The following VIPR2 variants were observed in gnomAD, a reference collection of about 807,000 sequenced individuals.
VIPR2 encodes the protein vasoactive intestinal peptide receptor 2.
VIPR2 carries 48 observed loss-of-function variants against 58.0 expected under a neutral mutation model. The observed-to-expected ratio is 0.83, with a 90% CI of 0.66 to 1.05. The LOEUF is 1.05. Among genes scored for constraint, VIPR2 ranks in the 50% least tolerant of loss-of-function variants. The pLI is 0.00. For synonymous variants in VIPR2, 243 were observed against 235.2 expected (o/e 1.03, Z -0.30); for missense variants, 534 against 558.0 (o/e 0.96, Z 0.43).
At chr7:159,130,759 G>A (rs142191198) in intron 2 of VIPR2, among the ~76,000 whole-genome samples, 31 of 152,316 alleles carry the variant, frequency 2.0e-4, no homozygotes, top group African/African-American at 7.0e-4. Context: ...TATTGATTTC[G>A]TTTGTGCCAT....
chr7:159,111,997 C>A (rs1304287997), intron 2 of VIPR2, among the ~76,000 whole-genome samples: 1 of 152,022 alleles, frequency 6.6e-6, no homozygotes, highest in African/African-American at 2.4e-5. Context: ...GGCGACAGAG[C>A]GAGACCTCGT....
At position 159,103,193 on chromosome 7, in the gene VIPR2, A is replaced by G. The variant is rs891737838; in HGVS notation, c.357+564T>C. Among the ~76,000 whole-genome samples the G allele has an allele frequency of 2.0e-4, 31 of 152,212 alleles. 1 individual carries two copies. The highest frequency in any genetic ancestry group is 7.5e-4 in the African/African-American group (31 of 41,456). On this transcript the variant is annotated intron_variant, in intron 4 of 12. Coordinates refer to ENST00000262178, the MANE Select transcript of VIPR2 (RefSeq NM_003382.5). ...ACATAACACCCAAGAGCTCCAGATC[A>G]CTGCAGCAAGTTTGTGCAGCCCGGA...
At chr7:159,055,705 C>T (rs926227355) in intron 5 of VIPR2, among the ~76,000 whole-genome samples, 1 of 152,176 alleles carries the variant, frequency 6.6e-6, no homozygotes, top group African/African-American at 2.4e-5. Flanking sequence ...TTCCCTCTCT[C>T]TTCCACCCCC....
intron 5 of VIPR2, among the ~76,000 whole-genome samples, chr7:159,043,862 G>T (rs986436260): frequency 1.3e-5 from 2 of 152,216 alleles, no homozygotes; most frequent in African/African-American, 4.8e-5. Flanking sequence ...GAGACACTTG[G>T]CAGGGGAAGC....
chr7:159,144,800 A>G lies in VIPR2; in HGVS notation c.-29T>C. The G allele has an allele frequency of 8.1e-7, 1 of 1,241,608 alleles. No individual in the cohort carries two copies. The highest frequency in any genetic ancestry group is 1.0e-6 in the Non-Finnish European group (1 of 994,300). The allele number at this position is 1,241,608 out of a possible 1,614,324, so 76.9% of individuals were successfully genotyped here. Reference sequence around the variant, plus strand: ...GAGCTCAGCGTGCCGGGGGCCGCCCAGCGCCCGCCGCCTCCGTCCTAGGTC... The same window carrying G: ...GAGCTCAGCGTGCCGGGGGCCGCCCGGCGCCCGCCGCCTCCGTCCTAGGTC... On this transcript the variant is annotated 5_prime_UTR_variant, in exon 1 of 13. Coordinates refer to ENST00000262178, the MANE Select transcript of VIPR2 (RefSeq NM_003382.5).
At chr7:159,144,604 C>T (rs1226162926) in intron 1 of VIPR2, 117 bp downstream of exon 1, 2 of 1,376,358 alleles carry the variant, frequency 1.5e-6, no homozygotes, top group Non-Finnish European at 9.5e-7. Flanking sequence ...CTCTCCCGGA[C>T]CCCGCCCGCG....
In VIPR2 at chr7:159,030,604, G is replaced by A. The variant is rs1301341914; in HGVS notation, c.*12C>T. 1.2e-5 allele frequency: 18 copies of A among 1,524,032 alleles called. No individual in the cohort carries two copies. The Admixed American group carries it at 3.7e-4, about 31-fold the overall frequency. The allele number at this position is 1,524,032 out of a possible 1,614,324, so 94.4% of individuals were successfully genotyped here. On this transcript the variant is annotated 3_prime_UTR_variant, in exon 13 of 13. Transcript: ENST00000262178. ...GTGGGCCTCCCGCCGCGTCCGACAG[G>A]CAGGGGTGGGGCTAGATGACCGAGG...
chr7:159,106,987 G>T (rs545638896), intron 3 of VIPR2, among the ~76,000 whole-genome samples: 7 of 149,722 alleles, frequency 4.7e-5, no homozygotes, highest in Non-Finnish European at 8.9e-5. Flanking sequence ...GCCATCCAGG[G>T]GCAGAGAGGC....
chr7:159,072,525 A>T (rs1856457937), intron 4 of VIPR2, among the ~76,000 whole-genome samples: 1 of 152,260 alleles, frequency 6.6e-6, no homozygotes, highest in Non-Finnish European at 1.5e-5. Flanking sequence ...CTGAAAAATG[A>T]TAAAACAAGT....
Position 159,055,736 on chromosome 7 carries a change from T to C in VIPR2, c.455+2745A>G, listed in dbSNP as rs140917985. On this transcript the variant is annotated intron_variant, in intron 5 of 12. Coordinates refer to ENST00000262178, the MANE Select transcript of VIPR2 (RefSeq NM_003382.5). ...CCCCCTGTGTTTCTGTGGAGTGGGG[T>C]TGGCACTTACAGCCATTGCTCAGAG... Among the ~76,000 whole-genome samples, 118 of 152,312 alleles carry C rather than the reference T, an allele frequency of 7.7e-4. No homozygotes were observed. In the East Asian group the frequency reaches 0.016, roughly 21 times the overall value.
rs1047034467 is a variant in VIPR2, at chr7:159,097,649, C to T, written c.357+6108G>A. On this transcript the variant is annotated intron_variant, in intron 4 of 12. Transcript: ENST00000262178. This position sits in a 1 kb window ranked among gnomAD's most constrained non-coding sequence, Gnocchi z 5.3. ...TCCAAATCACCAAGGAGAATTCCCA[C>T]TCCTTTTGGGCTTTTGACACAACGT... Among the ~76,000 whole-genome samples the T allele has an allele frequency of 7.2e-5, 11 of 152,194 alleles. No homozygotes were observed. Among genetic ancestry groups the T allele is most frequent in the Non-Finnish European group, 1.3e-4 (9 of 68,040 alleles).
chr7:159,083,593 A>G (rs1857022226), intron 4 of VIPR2, among the ~76,000 whole-genome samples: 1 of 152,102 alleles, frequency 6.6e-6, no homozygotes, highest in Non-Finnish European at 1.5e-5. Flanking sequence ...CAGGGCAGCC[A>G]GTACCCACTA....
chr7:159,101,820 C>T lies in VIPR2; in HGVS notation c.357+1937G>A, dbSNP rs56038496. On this transcript the variant is annotated intron_variant, in intron 4 of 12. Coordinates refer to ENST00000262178, the MANE Select transcript of VIPR2 (RefSeq NM_003382.5). The stretch of plus-strand genomic sequence containing the variant: ...GATCCGACGAGGCCGTTCCCCCGAC[C>T]GTTCCTGTGGTAGTGAACGGGTCTC... Among the ~76,000 whole-genome samples, 294 of 76,188 alleles carry T rather than the reference C, an allele frequency of 3.9e-3. 1 individual carries two copies. The highest frequency in any genetic ancestry group is 0.024 in the Middle Eastern group (2 of 84). 50.0% of individuals were successfully genotyped at this position (76,188 alleles called of 152,430 possible).
chr7:159,109,759 G>A (rs904209813), intron 3 of VIPR2, 53 bp downstream of exon 3: 20 of 1,522,438 alleles, frequency 1.3e-5, no homozygotes, highest in Non-Finnish European at 1.5e-5. Context: ...AAAAATGGAC[G>A]CTCAGATGCA....
At chr7:159,065,150 A>T (rs1856009546) in intron 4 of VIPR2, among the ~76,000 whole-genome samples, 1 of 152,188 alleles carries the variant, frequency 6.6e-6, no homozygotes, top group Admixed American at 6.5e-5. Context: ...TGGGGAGTGG[A>T]AGATCTGAGA....
intron 5 of VIPR2, among the ~76,000 whole-genome samples, chr7:159,047,633 A>C (rs1245731927): frequency 6.6e-6 from 1 of 152,236 alleles, no homozygotes; most frequent in Non-Finnish European, 1.5e-5. Context: ...AATACTATTG[A>C]AAGTATTTGT....
intron 2 of VIPR2, among the ~76,000 whole-genome samples, chr7:159,119,553 C>A (rs1481695529): frequency 6.6e-6 from 1 of 152,226 alleles, no homozygotes; most frequent in African/African-American, 2.4e-5. Context: ...GCAAACCCCT[C>A]CTAGGGCACA....
intron 2 of VIPR2, among the ~76,000 whole-genome samples, chr7:159,111,508 C>T (rs369957921): frequency 4.6e-5 from 7 of 151,812 alleles, no homozygotes; most frequent in South Asian, 4.2e-4. Context: ...GGTGAAACCC[C>T]GTCTCTACTA....
intron 4 of VIPR2, among the ~76,000 whole-genome samples, chr7:159,066,668 T>C (rs550229274): frequency 6.6e-6 from 1 of 152,364 alleles, no homozygotes; most frequent in East Asian, 1.9e-4. Context: ...ACTCCCTGCA[T>C]CTTTGTGGTG....
Sources: allele counts gnomAD v4.1 joint callset (sites outside exome capture counted in the v4.1 genomes callset), GRCh38; gene constraint gnomAD v4.1.1; non-coding constraint Gnocchi (gnomAD v3.1); transcripts MANE v1.5; gene names NCBI Gene and HGNC (gene_info 2026-07-23, HGNC 2026-07-21).